The following DUSP16 variants were observed in gnomAD, a reference collection of about 807,000 sequenced individuals.
DUSP16 encodes dual specificity protein phosphatase 16.
DUSP16 carries 21 observed loss-of-function variants against 58.3 expected under a neutral mutation model. The observed-to-expected ratio is 0.36, with a 90% CI of 0.26 to 0.52. The LOEUF is 0.52. Among genes scored for constraint, DUSP16 ranks in the 20% least tolerant of loss-of-function variants. DUSP16 has a pLI of 0.94. For synonymous variants in DUSP16, 320 were observed against 323.8 expected (o/e 0.99, Z 0.12); for missense variants, 726 against 819.0 (o/e 0.89, Z 1.39).
At chr12:12,537,113 A>G (rs986227544) in intron 1 of DUSP16, among the ~76,000 whole-genome samples, 2 of 152,196 alleles carry the variant, frequency 1.3e-5, no homozygotes, top group African/African-American at 4.8e-5. Context: ...TTCAAGGATG[A>G]CTTTCTTCAA....
At chr12:12,539,904 A>G (rs562338482) in intron 1 of DUSP16, among the ~76,000 whole-genome samples, 101 of 152,082 alleles carry the variant, frequency 6.6e-4, no homozygotes, top group African/African-American at 2.3e-3. Flanking sequence ...ATACGAAAAA[A>G]TTAGCCGGGC....
intron 1 of DUSP16, among the ~76,000 whole-genome samples, chr12:12,554,277 CTTTAT>C (rs1489836651): frequency 4.1e-5 from 6 of 146,854 alleles, no homozygotes; most frequent in African/African-American, 7.5e-5. Flanking sequence ...TATAATTTTA[CTTTAT>C]TTTATTTTGC....
At chr12:12,489,842 G>C (rs532092226) in intron 4 of DUSP16, among the ~76,000 whole-genome samples, 1 of 152,342 alleles carries the variant, frequency 6.6e-6, no homozygotes, top group South Asian at 2.1e-4. Context: ...ACCTTTGTTA[G>C]AGACCTTTTA....
rs966154885 is a variant in DUSP16 at position 12,474,853 on chromosome 12, AACT to A, written c.*1977_*1979del. On this transcript the variant is annotated 3_prime_UTR_variant, in exon 7 of 7. Coordinates refer to ENST00000298573, the MANE Select transcript of DUSP16 (RefSeq NM_030640.3). The stretch of plus-strand genomic sequence containing the variant: ...TGGTGTGTGTGTACATAACATCAAA[AACT>A]ACTGTGTGAAACTTGAGAATGTCTG... 4 of 152,254 alleles carry A rather than the reference AACT, an allele frequency of 2.6e-5. No individual in the cohort carries two copies. The highest frequency in any genetic ancestry group is 7.2e-5 in the African/African-American group (3 of 41,472). The allele number at this position is 152,254 out of a possible 1,614,324, so 9.4% of individuals were successfully genotyped here.
intron 3 of DUSP16, among the ~76,000 whole-genome samples, chr12:12,503,896 G>A (rs1053852842): frequency 1.1e-4 from 17 of 152,136 alleles, no homozygotes; most frequent in Non-Finnish European, 1.8e-4. Context: ...AAAATGCTAC[G>A]CTAGGGTCAA....
intron 4 of DUSP16, among the ~76,000 whole-genome samples, chr12:12,487,565 T>C (rs1943703665): frequency 6.6e-6 from 1 of 152,210 alleles, no homozygotes. Context: ...GCTGGTTCTC[T>C]AAGATACAAT....
intron 1 of DUSP16, among the ~76,000 whole-genome samples, chr12:12,561,677 AG>A (rs1020281860): frequency 6.6e-6 from 1 of 152,190 alleles, no homozygotes; most frequent in Non-Finnish European, 1.5e-5. Flanking sequence ...GGGAACAGTC[AG>A]GCCAGGGCCC....
At chr12:12,523,860 ACT>A (rs1483726188) in intron 1 of DUSP16, among the ~76,000 whole-genome samples, 1 of 152,170 alleles carries the variant, frequency 6.6e-6, no homozygotes. Flanking sequence ...ATGGAACTGG[ACT>A]GGGAAAGAAT....
chr12:12,526,737 T>C (rs1944313104), intron 1 of DUSP16, among the ~76,000 whole-genome samples: 1 of 152,230 alleles, frequency 6.6e-6, no homozygotes, highest in African/African-American at 2.4e-5. Flanking sequence ...AACATGATCC[T>C]GGGTTCTAGG....
In DUSP16 at chr12:12,475,045, T is replaced by TA. The variant is rs1458547303; in HGVS notation, c.*1787dup. ...AGGTCTGTGCGGCTCATCATCCCCA[T>TA]AACCAAGTCGGTCTGTGTTGAGTCA... On this transcript the variant is annotated 3_prime_UTR_variant, in exon 7 of 7. Transcript: ENST00000298573. 1 of 152,194 alleles carries TA rather than the reference T, an allele frequency of 6.6e-6. No individual in the cohort carries two copies. The highest frequency in any genetic ancestry group is 1.5e-5 in the Non-Finnish European group (1 of 68,042). 9.4% of individuals were successfully genotyped at this position (152,194 alleles called of 1,614,324 possible). A position where few individuals can be genotyped will look rare whatever the true frequency, so the allele number is the denominator to read the frequency against.
At chr12:12,522,761 G>A (rs373813051) in intron 1 of DUSP16, among the ~76,000 whole-genome samples, 7 of 151,640 alleles carry the variant, frequency 4.6e-5, no homozygotes, top group African/African-American at 1.7e-4. Context: ...ACAGGGTTTC[G>A]CCATGTTGCC....
At chr12:12,538,151 C>T (rs899860445) in intron 1 of DUSP16, among the ~76,000 whole-genome samples, 6 of 152,180 alleles carry the variant, frequency 3.9e-5, no homozygotes, top group South Asian at 2.1e-4. Context: ...CATCCCCGTG[C>T]GCCACCACGC....
chr12:12,560,153 T>C (rs1283862775), intron 1 of DUSP16, among the ~76,000 whole-genome samples: 2 of 152,154 alleles, frequency 1.3e-5, no homozygotes, highest in Admixed American at 1.3e-4. Context: ...TCCATAATCA[T>C]GCACTATGAT....
chr12:12,554,728 T>C (rs1392123795), intron 1 of DUSP16: 2 of 152,194 alleles, frequency 1.3e-5, no homozygotes, highest in African/African-American at 2.4e-5. Flanking sequence ...ATGACTATTA[T>C]AGCTGAAAAC....
chr12:12,496,143 G>C (rs1943824796), intron 4 of DUSP16, among the ~76,000 whole-genome samples: 1 of 152,186 alleles, frequency 6.6e-6, no homozygotes, highest in South Asian at 2.1e-4. Flanking sequence ...GGACACTGTA[G>C]TCACCTTGTC....
At chr12:12,549,192 C>CT (rs144994344) in intron 1 of DUSP16, among the ~76,000 whole-genome samples, 9,815 of 150,500 alleles carry the variant, frequency 0.065, 473 homozygotes, top group East Asian at 0.21. Flanking sequence ...ATCAAGATGA[C>CT]TGAAAAAGTG....
At position 12,487,197 on chromosome 12, in the gene DUSP16, G is replaced by C. The variant is rs768341952; in HGVS notation, c.532-10C>G. 1.2e-5 allele frequency: 20 copies of C among 1,612,552 alleles called. 1 individual carries two copies. In the South Asian group the frequency reaches 2.1e-4, roughly 17 times the overall value. On this transcript the variant is annotated splice_polypyrimidine_tract_variant and intron_variant, in intron 4 of 6. Coordinates refer to ENST00000298573, the MANE Select transcript of DUSP16 (RefSeq NM_030640.3). ...TCTGCTGCATCAGCTCCTATGGAGA[G>C]AAAGAGTAGCAGTTAAAGTGACTAA...
chr12:12,500,582 G>A lies in DUSP16; in HGVS notation c.468C>T (p.Asn156=). Residue 156 remains asparagine, a synonymous_variant, in exon 4 of 7, where the codon AAC becomes AAT. Coordinates refer to ENST00000298573, the MANE Select transcript of DUSP16 (RefSeq NM_030640.3). The part of the protein sequence containing the change: ...CISQPCLPVA[N]IGPTRILPNL... The stretch of plus-strand genomic sequence containing the variant: ...TGGGAAGAATTCGGGTTGGCCCAAT[G>A]TTGGCAACAGGTAAGCAAGGCTGAG... 3.7e-6 allele frequency: 6 copies of A among 1,612,538 alleles called. No homozygotes were observed. Among genetic ancestry groups the A allele is most frequent in the Non-Finnish European group, 5.1e-6 (6 of 1,179,400 alleles).
chr12:12,519,768 G>T, intron 3 of DUSP16, 94 bp downstream of exon 3: 1 of 1,251,452 alleles, frequency 8.0e-7, no homozygotes, highest in Non-Finnish European at 1.1e-6. Flanking sequence ...CAGCAAAGTT[G>T]GGATGATCTA....
Sources: gnomAD v4.1 joint callset for allele counts (sites outside exome capture counted in the v4.1 genomes callset) on GRCh38, gnomAD v4.1.1 for gene constraint, MANE v1.5 for transcripts, NCBI Gene and HGNC (gene_info 2026-07-23, HGNC 2026-07-21) for gene names.